Variants in SRD5A2 observed in about 807,000 individuals in gnomAD.
SRD5A2 encodes 3-oxo-5-alpha-steroid 4-dehydrogenase 2.
Under a neutral mutation model 27.4 loss-of-function variants are expected in SRD5A2, and 30 were observed. The observed-to-expected ratio is 1.10, with a 90% CI of 0.82 to 1.49. The LOEUF is 1.49. Ranked by LOEUF, SRD5A2 falls within the 40% of genes most tolerant of loss-of-function variation. The pLI, the probability that SRD5A2 is intolerant of heterozygous loss-of-function variation, is 0.00. For synonymous variants in SRD5A2, 141 were observed against 133.6 expected (o/e 1.06, Z -0.38); for missense variants, 348 against 323.4 (o/e 1.08, Z -0.58).
At chr2:31,619,700 C>A in the SRD5A2 span, among the ~76,000 whole-genome samples, 2 of 151,926 alleles carry the variant, frequency 1.3e-5, no homozygotes, top group Admixed American at 1.3e-4. Context: ...CAGTGATGAA[C>A]TTTTTTTCAT....
At chr2:31,556,011 T>G (rs939978246) in intron 1 of SRD5A2, among the ~76,000 whole-genome samples, 4 of 151,874 alleles carry the variant, frequency 2.6e-5, no homozygotes, top group African/African-American at 9.7e-5. Flanking sequence ...CAAAATAGAG[T>G]TTCTCAAAAA....
In SRD5A2 at chr2:31,580,911, T is replaced by A; in HGVS notation, c.-11A>T. 10 of 1,588,912 alleles carry A rather than the reference T, an allele frequency of 6.3e-6. No homozygotes were observed. The highest frequency in any genetic ancestry group is 8.6e-6 in the Non-Finnish European group (10 of 1,165,604). ...GCACTGAACCTGCATCGCGCCGTGT[T>A]CCTCGCCGGTGGCCGCTGCCCTCCC... is the stretch of plus-strand genomic sequence containing the variant. On this transcript the variant is annotated 5_prime_UTR_variant, in exon 1 of 5. Transcript: ENST00000622030.
chr2:31,575,793 G>GA (rs201626842), intron 1 of SRD5A2, among the ~76,000 whole-genome samples: 127 of 150,966 alleles, frequency 8.4e-4, no homozygotes, highest in South Asian at 3.6e-3. Context: ...TTCTTCTCTG[G>GA]AAAAAAAAAT....
At chr2:31,590,517 T>G in the SRD5A2 span, among the ~76,000 whole-genome samples, 1 of 152,132 alleles carries the variant, frequency 6.6e-6, no homozygotes, top group African/African-American at 2.4e-5. Flanking sequence ...AGGTAATTTA[T>G]AGATTCAATG....
At chr2:31,626,550 A>C in the SRD5A2 span, among the ~76,000 whole-genome samples, 1 of 152,092 alleles carries the variant, frequency 6.6e-6, no homozygotes, top group African/African-American at 2.4e-5. Flanking sequence ...TAGATTATTG[A>C]GAGTTTTTAG....
chr2:31,611,469 C>T, the SRD5A2 span, among the ~76,000 whole-genome samples: 353 of 152,244 alleles, frequency 2.3e-3, no homozygotes, highest in Middle Eastern at 0.01. Flanking sequence ...ATGTATCCAT[C>T]ATACATAAAG....
At chr2:31,540,125 A>C (rs1414792946) in intron 1 of SRD5A2, among the ~76,000 whole-genome samples, 4 of 152,212 alleles carry the variant, frequency 2.6e-5, no homozygotes, top group Non-Finnish European at 4.4e-5. Flanking sequence ...ACTATGAAAA[A>C]TTGTGCATAT....
the SRD5A2 span, among the ~76,000 whole-genome samples, chr2:31,622,058 T>C: frequency 6.6e-6 from 1 of 152,106 alleles, no homozygotes; most frequent in African/African-American, 2.4e-5. Flanking sequence ...GCTCAGATTA[T>C]CCCATCACCT....
chr2:31,550,497 C>CATCA (rs1172639765), intron 1 of SRD5A2, among the ~76,000 whole-genome samples: 1 of 150,846 alleles, frequency 6.6e-6, no homozygotes, highest in Non-Finnish European at 1.5e-5. Flanking sequence ...GATGCAAAAA[C>CATCA]ATTTAACAAA....
intron 1 of SRD5A2, among the ~76,000 whole-genome samples, chr2:31,579,602 T>C (rs150385466): frequency 1.0e-3 from 158 of 152,360 alleles, no homozygotes; most frequent in Middle Eastern, 3.4e-3. Context: ...CCAGCTGTAT[T>C]GTCTTCTTTC....
chr2:31,565,063 T>C (rs1389080444), intron 1 of SRD5A2, among the ~76,000 whole-genome samples: 1 of 151,840 alleles, frequency 6.6e-6, no homozygotes, highest in Non-Finnish European at 1.5e-5. Flanking sequence ...AACAATAACA[T>C]AAGGGCAAGA....
the SRD5A2 span, among the ~76,000 whole-genome samples, chr2:31,628,348 T>A: frequency 6.6e-6 from 1 of 152,164 alleles, no homozygotes; most frequent in Admixed American, 6.5e-5. Context: ...CCCTCTACTT[T>A]GAGCCTATGG....
chr2:31,547,229 T>C (rs1572639796), intron 1 of SRD5A2, among the ~76,000 whole-genome samples: 1 of 152,340 alleles, frequency 6.6e-6, no homozygotes, highest in Non-Finnish European at 1.5e-5. Flanking sequence ...AAGGGTGCTA[T>C]GATGGTTGAT....
At chr2:31,570,213 G>A (rs1283817272) in intron 1 of SRD5A2, among the ~76,000 whole-genome samples, 2 of 152,132 alleles carry the variant, frequency 1.3e-5, no homozygotes, top group African/African-American at 2.4e-5. Context: ...GGGATACAAG[G>A]TTGAGTCAAC....
At chr2:31,560,688 T>G (rs1479859307) in intron 1 of SRD5A2, among the ~76,000 whole-genome samples, 3 of 152,198 alleles carry the variant, frequency 2.0e-5, no homozygotes, top group African/African-American at 7.2e-5. Flanking sequence ...TTTCCCCATT[T>G]CCTTTTACTC....
chr2:31,607,313 A>G, the SRD5A2 span, among the ~76,000 whole-genome samples: 487 of 152,116 alleles, frequency 3.2e-3, 3 homozygotes, highest in African/African-American at 0.011. Context: ...AGCAACAAAG[A>G]GAAAAACACA....
the SRD5A2 span, among the ~76,000 whole-genome samples, chr2:31,592,083 A>G: frequency 6.6e-6 from 1 of 151,728 alleles, no homozygotes; most frequent in African/African-American, 2.4e-5. Context: ...AACTTAAAGT[A>G]TAATTTAAAA....
At chr2:31,579,197 T>A (rs1426481257) in intron 1 of SRD5A2, among the ~76,000 whole-genome samples, 1 of 152,236 alleles carries the variant, frequency 6.6e-6, no homozygotes, top group Non-Finnish European at 1.5e-5. Flanking sequence ...CATTTGCCTT[T>A]TAAAAAGAGT....
intron 1 of SRD5A2, among the ~76,000 whole-genome samples, chr2:31,542,222 G>T (rs1409450177): frequency 6.6e-6 from 1 of 152,178 alleles, no homozygotes; most frequent in Admixed American, 6.5e-5. Flanking sequence ...TCTTAGAAGT[G>T]ATTATTATGC....
Sources: allele counts gnomAD v4.1 joint callset (sites outside exome capture counted in the v4.1 genomes callset), GRCh38; gene constraint gnomAD v4.1.1; transcripts MANE v1.5; gene names NCBI Gene and HGNC (gene_info 2026-07-23, HGNC 2026-07-21).